AGAP1: variants seen among roughly 807,000 people sequenced by gnomAD.
AGAP1 encodes arf-GAP with GTPase, ANK repeat and PH domain-containing protein 1.
AGAP1 carries 29 observed loss-of-function variants against 105.3 expected under a neutral mutation model. The ratio of observed to expected loss-of-function variants is 0.28; its 90% CI spans 0.21 to 0.38. AGAP1 has a LOEUF of 0.38. AGAP1 is among the 10% of genes least tolerant of loss of function. AGAP1 has a pLI of 1.00. For synonymous variants in AGAP1, 509 were observed against 485.9 expected (o/e 1.05, Z -0.63); for missense variants, 998 against 1,165.1 (o/e 0.86, Z 2.09).
chr2:235,643,011 C>T (rs1289290298), intron 1 of AGAP1, among the ~76,000 whole-genome samples: 3 of 152,092 alleles, frequency 2.0e-5, no homozygotes, highest in Non-Finnish European at 4.4e-5. Flanking sequence ...AGCAGGTTTT[C>T]TTGGGAGGAG....
Position 235,665,037 on chromosome 2 carries a change from AT to A in AGAP1, c.164-44141del, listed in dbSNP as rs1381244969. Among the ~76,000 whole-genome samples the A allele has an allele frequency of 1.3e-5, 2 of 152,178 alleles. No individual in the cohort carries two copies. Among genetic ancestry groups the A allele is most frequent in the African/African-American group, 4.8e-5 (2 of 41,430 alleles). The stretch of plus-strand genomic sequence containing the variant: ...GGCGTTCGAGACCAGCCTGGGCAAC[AT>A]GGCAAGACCCTCCTCTCTACAAAAA... On this transcript the variant is annotated intron_variant, in intron 1 of 17. Transcript: ENST00000304032. The surrounding 1 kb of genome is among the most constrained non-coding windows in gnomAD (Gnocchi z 5.3).
intron 1 of AGAP1, among the ~76,000 whole-genome samples, chr2:235,536,628 C>T (rs1401435677): frequency 1.5e-3 from 5 of 3,344 alleles, no homozygotes; most frequent in African/African-American, 6.7e-3. Context: ...TCGCATCCTT[C>T]ACACACACAC....
In AGAP1 at chr2:235,771,200, G is replaced by A. The variant is rs1389557861; in HGVS notation, c.673+20712G>A. Reference sequence around the variant, plus strand: ...GCGTCCAGAACTTTGAGAAAATTAAGTTTCTGTTGGGCCACTGGGTTCATG... The same window carrying A: ...GCGTCCAGAACTTTGAGAAAATTAAATTTCTGTTGGGCCACTGGGTTCATG... On this transcript the variant is annotated intron_variant, in intron 6 of 17. Transcript: ENST00000304032. Among the ~76,000 whole-genome samples the A allele has an allele frequency of 1.3e-5, 2 of 152,228 alleles. 1 individual carries two copies. Among genetic ancestry groups the A allele is most frequent in the Non-Finnish European group, 2.9e-5 (2 of 68,042 alleles).
chr2:235,798,511 C>T (rs1343029581), intron 7 of AGAP1, among the ~76,000 whole-genome samples: 2 of 152,120 alleles, frequency 1.3e-5, no homozygotes, highest in African/African-American at 4.8e-5. Context: ...GGTTCGGTGT[C>T]GTACTTTCAG....
intron 16 of AGAP1, among the ~76,000 whole-genome samples, chr2:236,066,001 G>A (rs1012899481): frequency 1.1e-4 from 16 of 152,184 alleles, no homozygotes; most frequent in African/African-American, 3.9e-4. Context: ...CAACATCAGA[G>A]TCACTACTCG....
At chr2:235,939,443 G>A (rs879871827) in intron 12 of AGAP1, among the ~76,000 whole-genome samples, 1 of 151,974 alleles carries the variant, frequency 6.6e-6, no homozygotes, top group Non-Finnish European at 1.5e-5. Context: ...TGTCCCAGCG[G>A]TTTCTCCCAG....
In AGAP1 at chr2:235,958,273, T is replaced by C. The variant is rs1379910519; in HGVS notation, c.1484-10189T>C. On this transcript the variant is annotated intron_variant, in intron 12 of 17. Transcript: ENST00000304032. The surrounding 1 kb of genome is among the most constrained non-coding windows in gnomAD (Gnocchi z 4.1). ...GGTTGGAGGTGTTTCTGGAGGGCCC[T>C]GTACTCCCTGAAATCCAGGCTCCAG... Among the ~76,000 whole-genome samples, 4 of 152,084 alleles carry C rather than the reference T, an allele frequency of 2.6e-5. No homozygotes were observed. The highest frequency in any genetic ancestry group is 9.7e-5 in the African/African-American group (4 of 41,406).
chr2:236,041,197 A>G (rs1387235210), intron 15 of AGAP1, among the ~76,000 whole-genome samples: 1 of 152,130 alleles, frequency 6.6e-6, no homozygotes, highest in Non-Finnish European at 1.5e-5. Flanking sequence ...ACCCGTCTCT[A>G]CAGAAAATTA....
At chr2:235,677,891 C>T (rs1240238202) in intron 1 of AGAP1, among the ~76,000 whole-genome samples, 1 of 99,114 alleles carries the variant, frequency 1.0e-5, no homozygotes, top group Non-Finnish European at 1.8e-5. Flanking sequence ...CTTTCTGCCC[C>T]CATTAGCTCT....
chr2:235,940,691 C>T (rs2053220175), intron 12 of AGAP1, among the ~76,000 whole-genome samples: 1 of 152,254 alleles, frequency 6.6e-6, no homozygotes, highest in African/African-American at 2.4e-5. Context: ...TACCCAGTCA[C>T]AAGTGGTCAT....
rs1360018259 is a variant in AGAP1, at chr2:235,700,385, T to C, written c.164-8794T>C. Among the ~76,000 whole-genome samples, 26 of 152,320 alleles carry C rather than the reference T, an allele frequency of 1.7e-4. No homozygotes were observed. On this transcript the variant is annotated intron_variant, in intron 1 of 17. Transcript: ENST00000304032. This position sits in a 1 kb window ranked among gnomAD's most constrained non-coding sequence, Gnocchi z 6.1. ...AAATCCTCACGCCCTCTGCTTTGAT[T>C]CTCTCAGACGTGAATCCTTTAAGCA... is the stretch of plus-strand genomic sequence containing the variant.
At chr2:236,103,520 T>C (rs765899129) in intron 16 of AGAP1, among the ~76,000 whole-genome samples, 20 of 151,420 alleles carry the variant, frequency 1.3e-4, no homozygotes, top group Non-Finnish European at 2.1e-4. Context: ...TCTTTTCTTT[T>C]TTTTCTTTCT....
rs186054957 is a variant in AGAP1, at chr2:235,960,249, C to T, written c.1484-8213C>T. ...TACTCGAGTCATAGCCTCCTGAGGA[C>T]GACTGCAAGGAGCTCATGAATGCTG... is the stretch of plus-strand genomic sequence containing the variant. On this transcript the variant is annotated intron_variant, in intron 12 of 17. Coordinates refer to ENST00000304032, the MANE Select transcript of AGAP1 (RefSeq NM_001037131.3). This position sits in a 1 kb window ranked among gnomAD's most constrained non-coding sequence, Gnocchi z 4.9. Among the ~76,000 whole-genome samples the T allele has an allele frequency of 1.3e-5, 2 of 152,304 alleles. No homozygotes were observed. Among genetic ancestry groups the T allele is most frequent in the Admixed American group, 6.5e-5 (1 of 15,308 alleles).
chr2:235,882,294 A>G lies in AGAP1; in HGVS notation c.1051-1051A>G. 1 of 620,226 alleles carries G rather than the reference A, an allele frequency of 1.6e-6. No homozygotes were observed. 38.4% of individuals were successfully genotyped at this position (620,226 alleles called of 1,614,324 possible). On this transcript the variant is annotated intron_variant, in intron 9 of 17. Coordinates refer to ENST00000304032, the MANE Select transcript of AGAP1 (RefSeq NM_001037131.3). This position sits in a 1 kb window ranked among gnomAD's most constrained non-coding sequence, Gnocchi z 4.6. ...AGCTTGTGGCTCGTGTCCATCTTGC[A>G]GGTCGCTCTTCCTCCACATCACAAC...
intron 1 of AGAP1, among the ~76,000 whole-genome samples, chr2:235,542,546 C>T (rs548827464): frequency 2.0e-5 from 3 of 148,794 alleles, no homozygotes; most frequent in African/African-American, 5.2e-5. Flanking sequence ...CGTACATCCT[C>T]CTGACCCATG....
rs181763985 is a variant in AGAP1 at position 235,614,120 on chromosome 2, C to T, written c.164-95059C>T. ...TCACCAAATATTGATTGTACATCTG[C>T]GAATGTGCTAGATACCCTACTGGTG... On this transcript the variant is annotated intron_variant, in intron 1 of 17. Transcript: ENST00000304032. The surrounding 1 kb of genome is among the most constrained non-coding windows in gnomAD (Gnocchi z 4.7). Among the ~76,000 whole-genome samples the T allele has an allele frequency of 4.4e-4, 67 of 151,926 alleles. 1 individual carries two copies. The highest frequency in any genetic ancestry group is 1.5e-3 in the African/African-American group (62 of 41,430).
In AGAP1 at chr2:235,768,670, G is replaced by A. The variant is rs560907910; in HGVS notation, c.673+18182G>A. Among the ~76,000 whole-genome samples the A allele has an allele frequency of 7.0e-4, 106 of 152,366 alleles. 1 individual carries two copies. Among genetic ancestry groups the A allele is most frequent in the African/African-American group, 2.5e-3 (104 of 41,590 alleles). ...GCAGTCGAATCAGTAAACTCCGGCG[G>A]CATCCAGGGATGTGCACGGTGCCGG... On this transcript the variant is annotated intron_variant, in intron 6 of 17. Transcript: ENST00000304032.
At chr2:235,786,883 C>T (rs1342252505) in intron 6 of AGAP1, among the ~76,000 whole-genome samples, 3 of 152,226 alleles carry the variant, frequency 2.0e-5, no homozygotes, top group Non-Finnish European at 4.4e-5. Context: ...GCGTGAGCTC[C>T]GTCCATTGGT....
At chr2:235,823,763 GT>G (rs201402779) in intron 9 of AGAP1, among the ~76,000 whole-genome samples, 1 of 152,094 alleles carries the variant, frequency 6.6e-6, no homozygotes, top group East Asian at 1.9e-4. Flanking sequence ...TGTTTTATCT[GT>G]TTTTTTAAAT....
Sources: allele counts gnomAD v4.1 joint callset (sites outside exome capture counted in the v4.1 genomes callset), GRCh38; gene constraint gnomAD v4.1.1; non-coding constraint Gnocchi (gnomAD v3.1); transcripts MANE v1.5; gene names NCBI Gene and HGNC (gene_info 2026-07-23, HGNC 2026-07-21).